NUTM1: variants seen among roughly 807,000 people sequenced by gnomAD.
NUTM1 encodes NUT family member 1.
In NUTM1, 39 loss-of-function variants were observed where a neutral mutation model predicts 88.7. The observed-to-expected ratio is 0.44, with a 90% CI of 0.34 to 0.57. NUTM1 has a LOEUF of 0.57. Ranked by LOEUF, NUTM1 falls within the 20% of genes least tolerant of loss-of-function variation. The pLI, the probability that NUTM1 is intolerant of heterozygous loss-of-function variation, is 0.01. For synonymous variants in NUTM1, 494 were observed against 538.0 expected (o/e 0.92, Z 1.13); for missense variants, 1,350 against 1,414.5 (o/e 0.95, Z 0.73).
intron 2 of NUTM1, among the ~76,000 whole-genome samples, chr15:34,346,786 G>A (rs1485504304): frequency 2.1e-5 from 3 of 144,284 alleles, no homozygotes; most frequent in Non-Finnish European, 3.0e-5. Flanking sequence ...GCGGGGCTGA[G>A]GCAGGAGAAT....
Position 34,355,336 on chromosome 15 carries a change from G to C in NUTM1, c.1480-152G>C. 2 of 761,512 alleles carry C rather than the reference G, an allele frequency of 2.6e-6. No homozygotes were observed. Among genetic ancestry groups the C allele is most frequent in the Non-Finnish European group, 4.3e-6 (2 of 463,858 alleles). 47.2% of individuals were successfully genotyped at this position (761,512 alleles called of 1,614,324 possible). ...AAAGCATGGGAATAAGGCACAAGAA[G>C]GTGGGAAAGAGCTGCAGTATCTGTC... is the stretch of plus-strand genomic sequence containing the variant. On this transcript the variant is annotated intron_variant, in intron 7 of 7. Coordinates refer to ENST00000537011, the MANE Select transcript of NUTM1 (RefSeq NM_001284292.2). This position sits in a 1 kb window ranked among gnomAD's most constrained non-coding sequence, Gnocchi z 4.3.
In NUTM1 at chr15:34,357,439, G is replaced by A. The variant is rs373867134; in HGVS notation, c.3431G>A (p.Arg1144Gln). The change falls in exon 8 of 8, where the codon CGG becomes CAG. Residue 1144 changes from arginine (R) to glutamine (Q), a missense_variant. Arg to Gln is a conservative substitution (Grantham distance 43, BLOSUM62 1). Transcript: ENST00000537011. ...CGACCCTCACAGCCTCGTAAAAGGC[G>A]GTGTGACAGTTTTGTCACGGGCAGA... is the stretch of plus-strand genomic sequence containing the variant. ...VVRPSQPRKR[R>Q]CDSFVTGRRK... 1.8e-5 allele frequency: 29 copies of A among 1,613,078 alleles called. No individual in the cohort carries two copies. The highest frequency in any genetic ancestry group is 1.6e-4 in the Middle Eastern group (1 of 6,076).
At chr15:34,349,897 C>T (rs1314238660) in intron 3 of NUTM1, among the ~76,000 whole-genome samples, 1 of 152,190 alleles carries the variant, frequency 6.6e-6, no homozygotes, top group East Asian at 1.9e-4. Context: ...GCATGGGATC[C>T]ATTTGCTTTG....
chr15:34,353,216 G>T (rs769885752), intron 4 of NUTM1, among the ~76,000 whole-genome samples: 20 of 146,952 alleles, frequency 1.4e-4, no homozygotes, highest in Non-Finnish European at 3.0e-4. Context: ...TTTTCTTGAG[G>T]CAGGATCTCA....
In NUTM1 at chr15:34,356,452, C is replaced by A; in HGVS notation, c.2444C>A (p.Pro815His). ...VPGDTESSVI[P>H]CGGTVAAAAL... Reference sequence around the variant, plus strand: ...GGGGATACGGAGAGCAGTGTGATTCCCTGTGGAGGCACAGTTGCGGCAGCT... The same window carrying A: ...GGGGATACGGAGAGCAGTGTGATTCACTGTGGAGGCACAGTTGCGGCAGCT... Residue 815 changes from proline to histidine, a missense_variant, in exon 8 of 8, where the codon CCC (proline) becomes CAC (histidine). Around this residue, in one of 5 missense-constraint regions of NUTM1, gnomAD observed 730 missense variants for 728.8 expected, o/e 1.00. Coordinates refer to ENST00000537011, the MANE Select transcript of NUTM1 (RefSeq NM_001284292.2). 1 of 1,612,064 alleles carries A rather than the reference C, an allele frequency of 6.2e-7. No homozygotes were observed. Among genetic ancestry groups the A allele is most frequent in the Non-Finnish European group, 8.5e-7 (1 of 1,178,874 alleles).
At chr15:34,345,107 T>C (rs1207240572) in intron 1 of NUTM1, among the ~76,000 whole-genome samples, 1 of 152,072 alleles carries the variant, frequency 6.6e-6, no homozygotes, top group African/African-American at 2.4e-5. Flanking sequence ...AGAAAAGATA[T>C]CTCAGAGGAA....
In NUTM1 at chr15:34,356,309, A is replaced by G; in HGVS notation, c.2301A>G (p.Ile767Met). 6.2e-7 allele frequency: 1 copy of G among 1,613,808 alleles called. No homozygotes were observed. Among genetic ancestry groups the G allele is most frequent in the South Asian group, 1.1e-5 (1 of 91,010 alleles). ...TAGGCTTGGAGCTGCCTGTACAAAT[A>G]GAGGAGGTCATAGAGAGCTTCCAAG... ...DAVGLELPVQ[I>M]EEVIESFQVE... The change falls in exon 8 of 8, where the codon ATA (isoleucine) becomes ATG (methionine). Residue 767 changes from isoleucine to methionine, a missense_variant. By Grantham distance (10) the Ile-to-Met change is conservative (BLOSUM62 1). This residue lies in a region of NUTM1 where 730 missense variants were observed against 728.8 expected (regional missense o/e 1.00). Coordinates refer to ENST00000537011, the MANE Select transcript of NUTM1 (RefSeq NM_001284292.2).
chr15:34,347,608 CTT>C (rs959142403), intron 2 of NUTM1, among the ~76,000 whole-genome samples: 3 of 151,802 alleles, frequency 2.0e-5, no homozygotes, highest in African/African-American at 7.3e-5. Context: ...AATCCCAGCA[CTT>C]TGGGAGGCCG....
chr15:34,346,881 T>TAAAAAAAAAAAAAAAAAAAAAA lies in NUTM1; in HGVS notation c.100+851_100+872dup, dbSNP rs10671676. 5.8e-5 allele frequency among the ~76,000 whole-genome samples: 2 copies of TAAAAAAAAAAAAAAAAAAAAAA among 34,324 alleles called. 1 individual carries two copies. Among genetic ancestry groups the TAAAAAAAAAAAAAAAAAAAAAA allele is most frequent in the African/African-American group, 2.4e-4 (2 of 8,482 alleles). The allele number at this position is 34,324 out of a possible 152,430, so 22.5% of individuals were successfully genotyped here. On this transcript the variant is annotated intron_variant, in intron 2 of 7. Transcript: ENST00000537011. ...ATGGGCCACAGAGCAAGACTCCATC[T>TAAAAAAAAAAAAAAAAAAAAAA]AAAAAAAAAAAAAAAAAAAAAAAAA... is the stretch of plus-strand genomic sequence containing the variant.
chr15:34,354,830 G>C (rs1890772708), intron 6 of NUTM1, 98 bp downstream of exon 6: 1 of 1,254,834 alleles, frequency 8.0e-7, no homozygotes, highest in Admixed American at 1.9e-5. Flanking sequence ...TAGGACTTAG[G>C]TTTTATTCTA....
Position 34,355,372 on chromosome 15 carries a change from T to C in NUTM1, c.1480-116T>C. ...GCTGCAGTATCTGTCTTTGCTACCA[T>C]CGCTTAAACTACTTGCTTGCCTTCC... On this transcript the variant is annotated intron_variant, in intron 7 of 7. Transcript: ENST00000537011. The surrounding 1 kb of genome is among the most constrained non-coding windows in gnomAD (Gnocchi z 4.3). The C allele has an allele frequency of 2.0e-6, 2 of 977,674 alleles. No homozygotes were observed. Among genetic ancestry groups the C allele is most frequent in the South Asian group, 3.0e-5 (2 of 66,228 alleles). 60.6% of individuals were successfully genotyped at this position (977,674 alleles called of 1,614,324 possible). A position where few individuals can be genotyped will look rare whatever the true frequency, so the allele number is the denominator to read the frequency against.
At position 34,355,449 on chromosome 15, in the gene NUTM1, A is replaced by G; in HGVS notation, c.1480-39A>G. ...CCACCCACTCAGCCACCTCTTTCAC[A>G]ACCACGTATAGAACTGACTATTTGT... On this transcript the variant is annotated intron_variant, in intron 7 of 7. Coordinates refer to ENST00000537011, the MANE Select transcript of NUTM1 (RefSeq NM_001284292.2). This position sits in a 1 kb window ranked among gnomAD's most constrained non-coding sequence, Gnocchi z 4.3. 2 of 1,610,220 alleles carry G rather than the reference A, an allele frequency of 1.2e-6. No homozygotes were observed. Among genetic ancestry groups the G allele is most frequent in the Non-Finnish European group, 1.7e-6 (2 of 1,178,460 alleles).
At chr15:34,351,101 G>A (rs964757991) in intron 4 of NUTM1, among the ~76,000 whole-genome samples, 8 of 151,476 alleles carry the variant, frequency 5.3e-5, no homozygotes, top group African/African-American at 1.9e-4. Flanking sequence ...GGTGGCATGT[G>A]CCTGTAGTCC....
In NUTM1 at chr15:34,355,955, C is replaced by G. The variant is rs141659118; in HGVS notation, c.1947C>G (p.Pro649=). 1 of 1,614,120 alleles carries G rather than the reference C, an allele frequency of 6.2e-7. No individual in the cohort carries two copies. The highest frequency in any genetic ancestry group is 8.5e-7 in the Non-Finnish European group (1 of 1,180,014). The change falls in exon 8 of 8, where the codon CCC becomes CCG. Residue 649 remains proline (P), a synonymous_variant. Coordinates refer to ENST00000537011, the MANE Select transcript of NUTM1 (RefSeq NM_001284292.2). The surrounding 1 kb of genome is among the most constrained non-coding windows in gnomAD (Gnocchi z 4.3). ...LVADRTSEAL[P]LCWQGGFQPE... is the part of the protein sequence containing the mutation. ...CTGATAGGACTTCAGAGGCTCTGCC[C>G]CTTTGTTGGCAGGGAGGCTTCCAGC...
rs750888502 is a variant in NUTM1, at chr15:34,348,153, C to T, written c.285C>T (p.Pro95=). ...ACCCTCTGATGCTCTCTGCTTTCCC[C>T]AGCTCACTGTTGGTGACAGGGGATG... is the stretch of plus-strand genomic sequence containing the variant. ...PDNPLMLSAF[P]SSLLVTGDGG... The change falls in exon 3 of 8, where the codon CCC becomes CCT. Residue 95 remains proline, a synonymous_variant. Coordinates refer to ENST00000537011, the MANE Select transcript of NUTM1 (RefSeq NM_001284292.2). 2 of 1,614,234 alleles carry T rather than the reference C, an allele frequency of 1.2e-6. No homozygotes were observed. Among genetic ancestry groups the T allele is most frequent in the Non-Finnish European group, 1.7e-6 (2 of 1,180,054 alleles).
At position 34,354,454 on chromosome 15, in the gene NUTM1, C is replaced by T; in HGVS notation, c.1084C>T (p.Pro362Ser). The change falls in exon 6 of 8, where the codon CCG becomes TCG. Residue 362 changes from proline to serine, a missense_variant. Physicochemically the swap from Pro to Ser is moderately conservative, Grantham distance 74. Coordinates refer to ENST00000537011, the MANE Select transcript of NUTM1 (RefSeq NM_001284292.2). Reference protein sequence around the residue: ...SEVCQQPVYIPKKAASKTRAP... With the variant: ...SEVCQQPVYISKKAASKTRAP... ...TCCATCTCTTCCCTTAGTGTACATTCCGAAGAAGGCAGCCTCCAAGACACG... is the reference window on the plus strand; with the variant it reads ...TCCATCTCTTCCCTTAGTGTACATTTCGAAGAAGGCAGCCTCCAAGACACG... 1 of 1,613,840 alleles carries T rather than the reference C, an allele frequency of 6.2e-7. No homozygotes were observed.
Position 34,345,966 on chromosome 15 carries a change from T to C in NUTM1, c.31T>C (p.Cys11Arg), listed in dbSNP as rs1178330865. MVVTLGPGPD[C>R]LILEASRQPQ... ...GGTTACTCTGGGTCCTGGACCTGAC[T>C]GCCTCATTCTGGAGGCTTCCAGACA... Residue 11 changes from cysteine to arginine, a missense_variant, in exon 2 of 8, where the codon TGC (cysteine) becomes CGC (arginine). Coordinates refer to ENST00000537011, the MANE Select transcript of NUTM1 (RefSeq NM_001284292.2). 1 of 1,614,032 alleles carries C rather than the reference T, an allele frequency of 6.2e-7. No individual in the cohort carries two copies. The highest frequency in any genetic ancestry group is 2.2e-5 in the East Asian group (1 of 44,902).
chr15:34,357,571 C>T lies in NUTM1; in HGVS notation c.*80C>T. ...GAGTAGATTCCACCCCTGCTGCCCACCAATGGAGAATCCCAATGTTGAATC... is the reference window on the plus strand; with the variant it reads ...GAGTAGATTCCACCCCTGCTGCCCATCAATGGAGAATCCCAATGTTGAATC... On this transcript the variant is annotated 3_prime_UTR_variant, in exon 8 of 8. Coordinates refer to ENST00000537011, the MANE Select transcript of NUTM1 (RefSeq NM_001284292.2). 6.2e-7 allele frequency: 1 copy of T among 1,604,850 alleles called. No individual in the cohort carries two copies. Among genetic ancestry groups the T allele is most frequent in the Non-Finnish European group, 8.5e-7 (1 of 1,179,454 alleles).
chr15:34,350,965 T>C, intron 4 of NUTM1, 133 bp downstream of exon 4: 1 of 1,148,390 alleles, frequency 8.7e-7, no homozygotes, highest in Non-Finnish European at 1.2e-6. Flanking sequence ...ACGCCTGTAA[T>C]CCCACCACTT....
Sources: allele counts gnomAD v4.1 joint callset (sites outside exome capture counted in the v4.1 genomes callset), GRCh38; gene constraint gnomAD v4.1.1; regional missense constraint gnomAD v4.1.1; non-coding constraint Gnocchi (gnomAD v3.1); transcripts MANE v1.5; gene names NCBI Gene and HGNC (gene_info 2026-07-23, HGNC 2026-07-21).